OR6Y1: variants seen among roughly 807,000 people sequenced by gnomAD.
OR6Y1 encodes olfactory receptor 6Y1.
In OR6Y1, 1 loss-of-function variant was observed where a neutral mutation model predicts 0.4. The observed-to-expected ratio is 2.74, with a 90% CI of 0.97 to 13.02. OR6Y1 has a LOEUF of 13.02. OR6Y1 is among the 30% of genes most tolerant of loss of function. The pLI is 0.12. For missense variants in OR6Y1, 480 were observed against 399.8 expected (o/e 1.20, Z -1.71); for synonymous variants, 173 against 141.1 (o/e 1.23, Z -1.60).
chr1:158,550,785 C>T (rs1384095764), intron 1 of OR6Y1, among the ~76,000 whole-genome samples: 1 of 151,724 alleles, frequency 6.6e-6, no homozygotes, highest in Non-Finnish European at 1.5e-5. Context: ...GAGCAAGGTT[C>T]ACATAGTTAA....
rs72698772 is a variant in OR6Y1, at chr1:158,553,867, T to C, written c.-1433+399A>G. 9.0e-3 allele frequency among the ~76,000 whole-genome samples: 1,363 copies of C among 152,272 alleles called. 7 individuals carry two copies. The highest frequency in any genetic ancestry group is 0.016 in the Non-Finnish European group (1,101 of 68,014). On this transcript the variant is annotated intron_variant, in intron 1 of 1. Transcript: ENST00000641622. ...TTGAGGCATCTTCAGAACAAACCTT[T>C]GGGAAATTTTCATTCTCAGGCTTAT... is the stretch of plus-strand genomic sequence containing the variant.
At chr1:158,550,942 A>G (rs1557896669) in intron 1 of OR6Y1, among the ~76,000 whole-genome samples, 1 of 151,920 alleles carries the variant, frequency 6.6e-6, no homozygotes, top group Non-Finnish European at 1.5e-5. Context: ...GTTCACCATC[A>G]TGGAATTAGC....
Position 158,548,063 on chromosome 1 carries a change from T to C in OR6Y1, c.43A>G (p.Thr15Ala), listed in dbSNP as rs749182035. The C allele has an allele frequency of 1.2e-6, 2 of 1,613,472 alleles. No individual in the cohort carries two copies. Among genetic ancestry groups the C allele is most frequent in the Non-Finnish European group, 1.7e-6 (2 of 1,179,946 alleles). ...ILEVDNHTVT[T>A]RFILLGFPTR... ...GGAAACCCCAGAAGAATGAAACGTG[T>C]TGTCACTGTATGATTATCTACTTCC... The change falls in exon 2 of 2, where the codon ACA becomes GCA. Residue 15 changes from threonine (T) to alanine (A), a missense_variant. Thr to Ala is a moderately conservative substitution (Grantham distance 58, BLOSUM62 0). Transcript: ENST00000641622.
rs372677915 is a variant in OR6Y1, at chr1:158,547,693, G to T, written c.413C>A (p.Pro138Gln). Residue 138 changes from proline to glutamine, a missense_variant, in exon 2 of 2, where the codon CCA (proline) becomes CAA (glutamine). Pro to Gln is a moderately conservative substitution (Grantham distance 76). Transcript: ENST00000641622. Reference sequence around the variant, plus strand: ...ACAGAGCTGGTTGGTCATGATGACTGGGTAGCGTAGTGGATTACAAATGGC... The same window carrying T: ...ACAGAGCTGGTTGGTCATGATGACTTGGTAGCGTAGTGGATTACAAATGGC... Reference protein sequence around the residue: ...YVAICNPLRYPVIMTNQLCGT... With the variant: ...YVAICNPLRYQVIMTNQLCGT... 3.7e-6 allele frequency: 6 copies of T among 1,613,410 alleles called. No individual in the cohort carries two copies. In the Admixed American group the frequency reaches 8.3e-5, roughly 22 times the overall value.
At position 158,547,374 on chromosome 1, in the gene OR6Y1, G is replaced by A; in HGVS notation, c.732C>T (p.Ser244=). ...PSAQGRQKAF[S]TCASHLTVVI... ...CGACGGTCAGGTGGGAGGCACAGGT[G>A]GAGAATGCCTTTTGGCGGCCCTGAG... The change falls in exon 2 of 2, where the codon TCC becomes TCT. Residue 244 remains serine (S), a synonymous_variant. Coordinates refer to ENST00000641622, the MANE Select transcript of OR6Y1 (RefSeq NM_001005189.2). 6.2e-7 allele frequency: 1 copy of A among 1,613,624 alleles called. No individual in the cohort carries two copies. Among genetic ancestry groups the A allele is most frequent in the Non-Finnish European group, 8.5e-7 (1 of 1,179,996 alleles).
intron 1 of OR6Y1, among the ~76,000 whole-genome samples, chr1:158,552,933 A>G (rs77211839): frequency 5.3e-5 from 8 of 152,178 alleles, no homozygotes; most frequent in African/African-American, 1.4e-4. Context: ...AGGCCTTTTC[A>G]GGAACGAATA....
chr1:158,551,919 G>A (rs1647713620), intron 1 of OR6Y1, among the ~76,000 whole-genome samples: 2 of 148,904 alleles, frequency 1.3e-5, no homozygotes, highest in Admixed American at 6.6e-5. Context: ...CCCAGACTTT[G>A]CCTGATTTTT....
At chr1:158,553,438 G>A (rs1647750632) in intron 1 of OR6Y1, among the ~76,000 whole-genome samples, 1 of 151,996 alleles carries the variant, frequency 6.6e-6, no homozygotes, top group South Asian at 2.1e-4. Context: ...CCAACACTAA[G>A]CAATTGTCAA....
In OR6Y1 at chr1:158,550,697, G is replaced by A. The variant is rs11265026; in HGVS notation, c.-1432-1160C>T. Among the ~76,000 whole-genome samples, 83 of 151,814 alleles carry A rather than the reference G, an allele frequency of 5.5e-4. 2 individuals are homozygous for A. The highest frequency in any genetic ancestry group is 2.0e-3 in the African/African-American group (81 of 41,184). On this transcript the variant is annotated intron_variant, in intron 1 of 1. Transcript: ENST00000641622. ...AAGGTGTCTAGATTCCTAATTTCTA[G>A]GGCTAGATTGTCTGAGTCACATCCC...
Position 158,547,120 on chromosome 1 carries a change from T to C in OR6Y1, c.*8A>G, listed in dbSNP as rs747308323. On this transcript the variant is annotated 3_prime_UTR_variant, in exon 2 of 2. Transcript: ENST00000641622. ...TCAGTTCAAGCCTGAAAGGAATCTA[T>C]ACATTTTTTAACTACTGAAAGCCCC... is the stretch of plus-strand genomic sequence containing the variant. The C allele has an allele frequency of 3.7e-6, 6 of 1,607,488 alleles. No individual in the cohort carries two copies. Among genetic ancestry groups the C allele is most frequent in the Non-Finnish European group, 5.1e-6 (6 of 1,177,600 alleles).
rs1647510279 is a variant in OR6Y1, at chr1:158,545,704, GT to G, written c.*1423del. 1 of 152,140 alleles carries G rather than the reference GT, an allele frequency of 6.6e-6. No homozygotes were observed. Among genetic ancestry groups the G allele is most frequent in the African/African-American group, 2.4e-5 (1 of 41,444 alleles). The allele number at this position is 152,140 out of a possible 1,614,324, so 9.4% of individuals were successfully genotyped here. A position where few individuals can be genotyped will look rare whatever the true frequency, so the allele number is the denominator to read the frequency against. On this transcript the variant is annotated 3_prime_UTR_variant, in exon 2 of 2. Transcript: ENST00000641622. ...GATGCTGAATATTAGACCTTTGTCA[GT>G]TGTATGGTTTGCCAAAAATGTTTTC...
Position 158,547,841 on chromosome 1 carries a change from C to A in OR6Y1, c.265G>T (p.Asp89Tyr), listed in dbSNP as rs757700984. ...VTVISPKMLV[D>Y]FLSHDKSISF... ...ATACTCTTGTCATGACTGAGGAAGT[C>A]AACAAGCATCTTGGGGCTGATGACT... Residue 89 changes from aspartate (D) to tyrosine (Y), a missense_variant, in exon 2 of 2, where the codon GAC becomes TAC. Physicochemically the swap from Asp to Tyr is radical, Grantham distance 160. Transcript: ENST00000641622. The A allele has an allele frequency of 1.9e-6, 3 of 1,613,478 alleles. No individual in the cohort carries two copies. The East Asian group carries it at 6.7e-5, about 36-fold the overall frequency.
chr1:158,549,899 C>T (rs191857392), intron 1 of OR6Y1, among the ~76,000 whole-genome samples: 1 of 151,672 alleles, frequency 6.6e-6, no homozygotes, highest in Non-Finnish European at 1.5e-5. Flanking sequence ...AGGCCAGTCT[C>T]CATCTTGCTC....
Position 158,547,235 on chromosome 1 carries a change from T to G in OR6Y1, c.871A>C (p.Asn291His). 1 of 1,613,640 alleles carries G rather than the reference T, an allele frequency of 6.2e-7. No homozygotes were observed. Among genetic ancestry groups the G allele is most frequent in the Non-Finnish European group, 8.5e-7 (1 of 1,179,970 alleles). Residue 291 changes from asparagine to histidine, a missense_variant, in exon 2 of 2, where the codon AAC (asparagine) becomes CAC (histidine). Coordinates refer to ENST00000641622, the MANE Select transcript of OR6Y1 (RefSeq NM_001005189.2). ...VLYTVIVPLL[N>H]PIIYCLRNHE... Reference sequence around the variant, plus strand: ...TTCCTCAGACAGTAAATGATGGGGTTGAGGAGTGGAACAATGACAGTGTAG... The same window carrying G: ...TTCCTCAGACAGTAAATGATGGGGTGGAGGAGTGGAACAATGACAGTGTAG...
At position 158,544,843 on chromosome 1, in the gene OR6Y1, A is replaced by C. The variant is rs1211443153; in HGVS notation, c.*2285T>G. 1.3e-5 allele frequency: 2 copies of C among 152,164 alleles called. No individual in the cohort carries two copies. Among genetic ancestry groups the C allele is most frequent in the East Asian group, 3.9e-4 (2 of 5,178 alleles). 9.4% of individuals were successfully genotyped at this position (152,164 alleles called of 1,614,324 possible). On this transcript the variant is annotated 3_prime_UTR_variant, in exon 2 of 2. Coordinates refer to ENST00000641622, the MANE Select transcript of OR6Y1 (RefSeq NM_001005189.2). Reference sequence around the variant, plus strand: ...AAGGTGATGGCCTCCAGTCCCATCCATGTTCCCGGAAAGGACATGATCTAA... The same window carrying C: ...AAGGTGATGGCCTCCAGTCCCATCCCTGTTCCCGGAAAGGACATGATCTAA...
intron 1 of OR6Y1, among the ~76,000 whole-genome samples, chr1:158,553,164 T>G (rs1322336787): frequency 1.3e-5 from 2 of 152,244 alleles, no homozygotes; most frequent in Non-Finnish European, 2.9e-5. Flanking sequence ...AACTAGGTCC[T>G]TTGGGAAAAG....
chr1:158,547,726 C>A lies in OR6Y1; in HGVS notation c.380G>T (p.Arg127Leu), dbSNP rs753757437. 4 of 1,613,322 alleles carry A rather than the reference C, an allele frequency of 2.5e-6. No individual in the cohort carries two copies. The highest frequency in any genetic ancestry group is 1.7e-5 in the Admixed American group (1 of 59,938). Residue 127 changes from arginine to leucine, a missense_variant, in exon 2 of 2, where the codon CGC becomes CTC. Coordinates refer to ENST00000641622, the MANE Select transcript of OR6Y1 (RefSeq NM_001005189.2). ...YILLAIMAFD[R>L]YVAICNPLRY... is the part of the protein sequence containing the mutation. ...TAGTGGATTACAAATGGCTACATAG[C>A]GGTCAAAGGCCATGATAGCAAGAAG...
In OR6Y1 at chr1:158,548,535, T is replaced by G. The variant is rs1293685395; in HGVS notation, c.-430A>C. On this transcript the variant is annotated 5_prime_UTR_variant, in exon 2 of 2. Transcript: ENST00000641622. ...AGGGGCAATTTGGGTGACTCTGGAG[T>G]GGTTGCATGACCCCACTTATCTGTA... 6.2e-6 allele frequency: 1 copy of G among 161,136 alleles called. No homozygotes were observed. Among genetic ancestry groups the G allele is most frequent in the African/African-American group, 2.4e-5 (1 of 41,036 alleles). The allele number at this position is 161,136 out of a possible 1,614,324, so 10.0% of individuals were successfully genotyped here. A position where few individuals can be genotyped will look rare whatever the true frequency, so the allele number is the denominator to read the frequency against.
intron 1 of OR6Y1, among the ~76,000 whole-genome samples, chr1:158,553,162 C>T (rs1309640200): frequency 6.6e-6 from 1 of 152,158 alleles, no homozygotes; most frequent in Non-Finnish European, 1.5e-5. Flanking sequence ...CCAACTAGGT[C>T]CTTTGGGAAA....
Sources: gnomAD v4.1 joint callset for allele counts (sites outside exome capture counted in the v4.1 genomes callset) on GRCh38, gnomAD v4.1.1 for gene constraint, MANE v1.5 for transcripts, NCBI Gene and HGNC (gene_info 2026-07-23, HGNC 2026-07-21) for gene names.